The following COPS3 variants were observed in gnomAD, a reference collection of about 807,000 sequenced individuals.
COPS3 encodes COP9 signalosome subunit 3.
Under a neutral mutation model 58.2 loss-of-function variants are expected in COPS3, and 10 were observed. The ratio of observed to expected loss-of-function variants is 0.17; its 90% CI spans 0.11 to 0.29. The LOEUF is 0.29. Among genes scored for constraint, COPS3 ranks in the 10% least tolerant of loss-of-function variants. COPS3 has a pLI of 1.00. For missense variants in COPS3, 333 were observed against 510.1 expected (o/e 0.65, Z 3.34); for synonymous variants, 187 against 181.7 (o/e 1.03, Z -0.24).
chr17:17,269,058 C>T (rs1597691759), intron 4 of COPS3, among the ~76,000 whole-genome samples: 2 of 152,116 alleles, frequency 1.3e-5, no homozygotes, highest in East Asian at 3.9e-4. Flanking sequence ...GGTGAAGTGG[C>T]TCACACCTGT....
intron 5 of COPS3, among the ~76,000 whole-genome samples, chr17:17,265,239 A>G (rs11654529): frequency 2.1e-3 from 321 of 152,274 alleles, no homozygotes; most frequent in Non-Finnish European, 3.7e-3. Flanking sequence ...CTGAAATCCA[A>G]TTGCTCCAAT....
At chr17:17,247,665 G>T (rs2047753515) in intron 10 of COPS3, 105 bp from the exon 11 acceptor site, 7 of 1,105,220 alleles carry the variant, frequency 6.3e-6, no homozygotes, top group Non-Finnish European at 8.0e-6. Flanking sequence ...ACAATCTCTT[G>T]ATGTGAAACC....
At chr17:17,279,093 T>C (rs2048521313) in intron 1 of COPS3, among the ~76,000 whole-genome samples, 1 of 152,022 alleles carries the variant, frequency 6.6e-6, no homozygotes, top group Non-Finnish European at 1.5e-5. Flanking sequence ...AGGGTGGTCT[T>C]GAACTCCTGA....
chr17:17,248,330 T>C (rs1050986614), intron 10 of COPS3, among the ~76,000 whole-genome samples: 2 of 152,204 alleles, frequency 1.3e-5, no homozygotes, highest in Non-Finnish European at 2.9e-5. Flanking sequence ...TTTTGTTTTT[T>C]TGAGACAGAG....
rs2075893223 is a variant in COPS3, at chr17:17,246,701, A to G, written c.*397T>C. On this transcript the variant is annotated 3_prime_UTR_variant, in exon 12 of 12. Coordinates refer to ENST00000268717, the MANE Select transcript of COPS3 (RefSeq NM_003653.4). Reference sequence around the variant, plus strand: ...TTTTTGTAGATACAAATTTGTCAATAAATAAAAACCTTTCAGATCCAAATC... The same window carrying G: ...TTTTTGTAGATACAAATTTGTCAATGAATAAAAACCTTTCAGATCCAAATC... 5.8e-6 allele frequency: 1 copy of G among 173,562 alleles called. No homozygotes were observed. The highest frequency in any genetic ancestry group is 2.4e-5 in the African/African-American group (1 of 41,924). 10.8% of individuals were successfully genotyped at this position (173,562 alleles called of 1,614,324 possible). A position where few individuals can be genotyped will look rare whatever the true frequency, so the allele number is the denominator to read the frequency against.
rs11336908 is a variant in COPS3 at position 17,249,049 on chromosome 17, G to GA, written c.1024-11dup. Reference sequence around the variant, plus strand: ...TCTCACCATCTTCTATCTGCAGAAAGAAAAAAAAAAAAATCAGGAAAGCAG... The same window carrying GA: ...TCTCACCATCTTCTATCTGCAGAAAGAAAAAAAAAAAAAATCAGGAAAGCAG... On this transcript the variant is annotated splice_polypyrimidine_tract_variant and intron_variant, in intron 9 of 11. Coordinates refer to ENST00000268717, the MANE Select transcript of COPS3 (RefSeq NM_003653.4). 58,482 of 1,138,502 alleles carry GA rather than the reference G, an allele frequency of 0.051. No homozygotes were observed. The highest frequency in any genetic ancestry group is 0.056 in the Non-Finnish European group (46,171 of 822,614). The allele number at this position is 1,138,502 out of a possible 1,614,324, so 70.5% of individuals were successfully genotyped here. A position where few individuals can be genotyped will look rare whatever the true frequency, so the allele number is the denominator to read the frequency against.
rs1317687838 is a variant in COPS3 at position 17,260,294 on chromosome 17, T to C, written c.936+7A>G. On this transcript the variant is annotated splice_region_variant and intron_variant, in intron 8 of 11. Transcript: ENST00000268717. ...GAGCTGCCCTGTGAAGGTGGCACTT[T>C]CCTCACCTTTGTTAGCCTCTGAATA... 17 of 1,613,166 alleles carry C rather than the reference T, an allele frequency of 1.1e-5. No individual in the cohort carries two copies. Among genetic ancestry groups the C allele is most frequent in the Non-Finnish European group, 1.4e-5 (16 of 1,179,262 alleles).
chr17:17,268,774 G>A (rs545755245), intron 4 of COPS3, among the ~76,000 whole-genome samples: 45 of 151,648 alleles, frequency 3.0e-4, no homozygotes, highest in African/African-American at 9.2e-4. Context: ...AGCTGAGATC[G>A]CGCCACTGCA....
rs907273033 is a variant in COPS3 at position 17,249,087 on chromosome 17, T to C, written c.1024-48A>G. 3 of 1,008,128 alleles carry C rather than the reference T, an allele frequency of 3.0e-6. No individual in the cohort carries two copies. The East Asian group carries it at 7.1e-5, about 24-fold the overall frequency. 62.4% of individuals were successfully genotyped at this position (1,008,128 alleles called of 1,614,324 possible). ...ATCAGGAAAGCAGTTTAGACCTGAA[T>C]GCTATATGAATAGTCATCCAGTATA... On this transcript the variant is annotated intron_variant, in intron 9 of 11. Coordinates refer to ENST00000268717, the MANE Select transcript of COPS3 (RefSeq NM_003653.4).
intron 7 of COPS3, chr17:17,261,698 G>GA (rs139813720): frequency 0.04 from 14,114 of 354,746 alleles, no homozygotes; most frequent in South Asian, 0.052. Flanking sequence ...TGTCTCTAGG[G>GA]AAAAAAAAAA....
At chr17:17,276,962 C>A (rs1356274104) in intron 1 of COPS3, among the ~76,000 whole-genome samples, 1 of 152,134 alleles carries the variant, frequency 6.6e-6, no homozygotes. Flanking sequence ...GTGCAAACGC[C>A]TCAGCCTGAA....
chr17:17,251,274 G>A (rs1189001756), intron 9 of COPS3, among the ~76,000 whole-genome samples: 5 of 150,818 alleles, frequency 3.3e-5, no homozygotes, highest in Admixed American at 3.3e-4. Context: ...AATTACAGGT[G>A]TGAGCCACCA....
At chr17:17,261,627 ACG>A (rs944004741) in intron 7 of COPS3, 1 of 428,154 alleles carries the variant, frequency 2.3e-6, no homozygotes, top group African/African-American at 2.1e-5. Context: ...TGGGAGGCAG[ACG>A]CAGAAGGACT....
At chr17:17,252,636 G>A (rs2047877055) in intron 9 of COPS3, among the ~76,000 whole-genome samples, 1 of 152,234 alleles carries the variant, frequency 6.6e-6, no homozygotes, top group Non-Finnish European at 1.5e-5. Context: ...GGGTGTCTGG[G>A]CTGGTTAAGC....
Position 17,260,424 on chromosome 17 carries a change from G to C in COPS3, c.813C>G (p.Asn271Lys). 1 of 1,614,190 alleles carries C rather than the reference G, an allele frequency of 6.2e-7. No homozygotes were observed. Residue 271 changes from asparagine to lysine, a missense_variant, in exon 8 of 12, where the codon AAC (asparagine) becomes AAG (lysine). Coordinates refer to ENST00000268717, the MANE Select transcript of COPS3 (RefSeq NM_003653.4). ...HELAQVYSTN[N>K]PSELRNLVNK... ...TCACCAGGTTTCGGAGTTCTGAGGG[G>C]TTGTTGGTTGAATACACTTGTGCTA...
intron 2 of COPS3, among the ~76,000 whole-genome samples, chr17:17,274,754 C>CTTTTT (rs377530136): frequency 7.1e-6 from 1 of 141,178 alleles, no homozygotes; most frequent in Non-Finnish European, 1.6e-5. Context: ...TTCAATCGTG[C>CTTTTT]TTTTTTTTTT....
chr17:17,261,580 C>A (rs1281937553), intron 7 of COPS3: 1 of 369,258 alleles, frequency 2.7e-6, no homozygotes, highest in East Asian at 1.1e-4. Flanking sequence ...AAAATAAAGG[C>A]CAGGCTCAGT....
At chr17:17,249,486 G>C (rs1000181907) in intron 9 of COPS3, among the ~76,000 whole-genome samples, 2 of 151,574 alleles carry the variant, frequency 1.3e-5, no homozygotes, top group African/African-American at 4.9e-5. Flanking sequence ...ACCACACCAG[G>C]CTAATTTTTT....
intron 9 of COPS3, among the ~76,000 whole-genome samples, chr17:17,254,593 C>T (rs1017078949): frequency 5.9e-5 from 9 of 151,726 alleles, no homozygotes; most frequent in African/African-American, 1.9e-4. Flanking sequence ...GGGCAGATCA[C>T]GTGGTCAGGA....
Sources: gnomAD v4.1 joint callset for allele counts (sites outside exome capture counted in the v4.1 genomes callset) on GRCh38, gnomAD v4.1.1 for gene constraint, MANE v1.5 for transcripts, NCBI Gene and HGNC (gene_info 2026-07-23, HGNC 2026-07-21) for gene names.